DOCK2: variants seen among roughly 807,000 people sequenced by gnomAD.
The protein encoded by DOCK2 is dedicator of cytokinesis protein 2.
A neutral mutation model predicts 248.9 loss-of-function variants in DOCK2; 87 were observed. The observed-to-expected ratio is 0.35, with a 90% confidence interval of 0.29 to 0.42. The LOEUF is 0.42. Ranked by LOEUF, DOCK2 falls within the 10% of genes least tolerant of loss-of-function variation. The pLI is 1.00. For missense variants in DOCK2, 1,747 were observed against 2,300.2 expected (o/e 0.76, Z 4.92); for synonymous variants, 805 against 821.6 (o/e 0.98, Z 0.35).
At chr5:170,023,534 C>T (rs1203534768) in intron 33 of DOCK2, among the ~76,000 whole-genome samples, 1 of 152,262 alleles carries the variant, frequency 6.6e-6, no homozygotes, top group East Asian at 1.9e-4. Context: ...TCAGCCTCAG[C>T]TTCTTCATCT....
intron 27 of DOCK2, among the ~76,000 whole-genome samples, chr5:169,948,964 C>T (rs1161892795): frequency 1.3e-5 from 2 of 152,112 alleles, no homozygotes; most frequent in African/African-American, 2.4e-5. Flanking sequence ...CAAGAATATC[C>T]TATACTTTTT....
chr5:169,882,542 A>T (rs1485196633), intron 27 of DOCK2: 1 of 1,520,820 alleles, frequency 6.6e-7, no homozygotes, highest in Non-Finnish European at 8.9e-7. Context: ...ATGAAAAAAA[A>T]ATCTCCTTAC....
intron 26 of DOCK2, among the ~76,000 whole-genome samples, chr5:169,824,301 GC>G (rs1192485355): frequency 1.3e-5 from 2 of 152,176 alleles, no homozygotes; most frequent in Non-Finnish European, 1.5e-5. Flanking sequence ...ACAAAAAAGA[GC>G]CTGCATTTCC....
At chr5:169,958,032 C>T (rs1776936573) in intron 27 of DOCK2, among the ~76,000 whole-genome samples, 1 of 152,156 alleles carries the variant, frequency 6.6e-6, no homozygotes. Flanking sequence ...GCAAGCAGTG[C>T]AAGAACATTT....
At chr5:169,846,243 A>C (rs1202249364) in intron 27 of DOCK2, among the ~76,000 whole-genome samples, 1 of 152,126 alleles carries the variant, frequency 6.6e-6, no homozygotes, top group Non-Finnish European at 1.5e-5. Context: ...GATTAGTGAC[A>C]GTTTTTTTCT....
intron 33 of DOCK2, among the ~76,000 whole-genome samples, chr5:170,022,521 T>C (rs1044408837): frequency 7.3e-5 from 11 of 151,724 alleles, no homozygotes; most frequent in Non-Finnish European, 1.6e-4. Context: ...CGGGGGTCTC[T>C]GTCCATTGTC....
At chr5:169,784,002 G>A (rs963322666) in intron 25 of DOCK2, among the ~76,000 whole-genome samples, 2 of 152,214 alleles carry the variant, frequency 1.3e-5, no homozygotes, top group African/African-American at 4.8e-5. Flanking sequence ...CAAGTGATGA[G>A]GTGATTTGTA....
At position 169,968,336 on chromosome 5, in the gene DOCK2, G is replaced by A. The variant is rs556158657; in HGVS notation, c.2800-14732G>A. 4.6e-5 allele frequency among the ~76,000 whole-genome samples: 7 copies of A among 152,226 alleles called. No homozygotes were observed. In the East Asian group the frequency reaches 1.2e-3, roughly 25 times the overall value. On this transcript the variant is annotated intron_variant, in intron 27 of 51. Coordinates refer to ENST00000520908, the MANE Select transcript of DOCK2 (RefSeq NM_004946.3). ...GCAGTCCTTTTAACCTCTTTGATAG[G>A]AGTCCAGCCACTCCCCTCCTTGAGA...
rs199836739 is a variant in DOCK2, at chr5:169,939,070, A to AT, written c.2800-43991dup. Among the ~76,000 whole-genome samples the AT allele has an allele frequency of 8.0e-3, 1,219 of 151,664 alleles. 62 individuals are homozygous for AT. In the East Asian group the frequency reaches 0.13, roughly 17 times the overall value. ...AGGCATGCACCACCACGCCCTGCTA[A>AT]TTTTTTTGTATTTTTAGTAGAGACG... On this transcript the variant is annotated intron_variant, in intron 27 of 51. Transcript: ENST00000520908.
intron 22 of DOCK2, among the ~76,000 whole-genome samples, chr5:169,727,153 T>A (rs750496340): frequency 3.9e-5 from 6 of 151,968 alleles, no homozygotes; most frequent in Non-Finnish European, 8.8e-5. Context: ...CTAAATACAA[T>A]CTGTGAAATA....
intron 25 of DOCK2, among the ~76,000 whole-genome samples, chr5:169,787,737 T>C (rs1450393067): frequency 1.3e-5 from 2 of 150,574 alleles, no homozygotes; most frequent in African/African-American, 4.9e-5. Context: ...CTCTTCTGTG[T>C]CTGTCTTCTC....
intron 19 of DOCK2, among the ~76,000 whole-genome samples, chr5:169,715,165 T>G (rs1761829995): frequency 6.6e-6 from 1 of 152,166 alleles, no homozygotes; most frequent in South Asian, 2.1e-4. Context: ...TATTATTGCA[T>G]CCACATGGTA....
At chr5:169,962,755 G>A (rs1330303436) in intron 27 of DOCK2, among the ~76,000 whole-genome samples, 2 of 152,182 alleles carry the variant, frequency 1.3e-5, no homozygotes, top group Non-Finnish European at 2.9e-5. Context: ...GCATACCATA[G>A]GAGTTGAAAG....
chr5:169,901,561 G>A (rs1773928304), intron 27 of DOCK2, among the ~76,000 whole-genome samples: 1 of 152,164 alleles, frequency 6.6e-6, no homozygotes, highest in African/African-American at 2.4e-5. Context: ...ATGAACCAGT[G>A]GGGAGGCTGT....
Position 169,711,880 on chromosome 5 carries a change from A to C in DOCK2, c.1483-55A>C, listed in dbSNP as rs548193256. 3.1e-6 allele frequency: 5 copies of C among 1,594,006 alleles called. No individual in the cohort carries two copies. The East Asian group carries it at 8.9e-5, about 29-fold the overall frequency. The stretch of plus-strand genomic sequence containing the variant: ...GCTGTGGAAGTGTGTAGGGGGGTGC[A>C]GTGGGGAGGGCCCTTTAACTCATTG... On this transcript the variant is annotated intron_variant, in intron 15 of 51. Transcript: ENST00000520908.
intron 15 of DOCK2, 133 bp downstream of exon 15, chr5:169,708,400 A>AAC: frequency 1.1e-6 from 1 of 926,936 alleles, no homozygotes; most frequent in Non-Finnish European, 1.6e-6. Flanking sequence ...TATTTCCTTC[A>AAC]TTTTATAGTT....
At chr5:169,752,169 G>C (rs1373358834) in intron 23 of DOCK2, among the ~76,000 whole-genome samples, 2 of 152,142 alleles carry the variant, frequency 1.3e-5, no homozygotes, top group Non-Finnish European at 2.9e-5. Context: ...TCAAAAGTTA[G>C]TAAAAGACAT....
intron 23 of DOCK2, among the ~76,000 whole-genome samples, chr5:169,756,978 C>G (rs1764231282): frequency 6.6e-6 from 1 of 151,602 alleles, no homozygotes; most frequent in African/African-American, 2.4e-5. Context: ...AGGGCACATG[C>G]CTCAGTATAT....
At chr5:169,840,374 G>A (rs1246871957) in intron 26 of DOCK2, among the ~76,000 whole-genome samples, 1 of 152,062 alleles carries the variant, frequency 6.6e-6, no homozygotes, top group Non-Finnish European at 1.5e-5. Flanking sequence ...CCAACACTGG[G>A]GATTATGATT....
Sources: gnomAD v4.1 joint callset for allele counts (sites outside exome capture counted in the v4.1 genomes callset) on GRCh38, gnomAD v4.1.1 for gene constraint, MANE v1.5 for transcripts, NCBI Gene and HGNC (gene_info 2026-07-23, HGNC 2026-07-21) for gene names.